TXNDC15: variants seen among roughly 807,000 people sequenced by gnomAD.
TXNDC15 encodes the protein thioredoxin domain-containing protein 15.
TXNDC15 carries 24 observed loss-of-function variants against 35.0 expected under a neutral mutation model. The ratio of observed to expected loss-of-function variants is 0.68; its 90% CI spans 0.50 to 0.96. The LOEUF (loss-of-function observed/expected upper bound fraction) is 0.96, where lower values mean the gene tolerates loss of function less well. Among genes scored for constraint, TXNDC15 ranks in the 40% least tolerant of loss-of-function variants. TXNDC15 has a pLI of 0.00. For missense variants in TXNDC15, 385 were observed against 453.3 expected (o/e 0.85, Z 1.37); for synonymous variants, 169 against 174.0 (o/e 0.97, Z 0.23).
chr5:134,889,566 T>C (rs2150188179), intron 2 of TXNDC15, among the ~76,000 whole-genome samples: 1 of 152,320 alleles, frequency 6.6e-6, no homozygotes, highest in East Asian at 1.9e-4. Context: ...TGGCCAAACA[T>C]ATCGATATGA....
At chr5:134,885,072 G>A (rs965180539) in intron 1 of TXNDC15, among the ~76,000 whole-genome samples, 6 of 151,924 alleles carry the variant, frequency 3.9e-5, no homozygotes, top group African/African-American at 1.2e-4. Context: ...ACAGGTGCCC[G>A]CCACCATGCA....
intron 2 of TXNDC15, among the ~76,000 whole-genome samples, chr5:134,890,795 ACTT>A (rs1232270291): frequency 1.3e-5 from 2 of 152,200 alleles, no homozygotes; most frequent in African/African-American, 4.8e-5. Context: ...CCACAGTAGA[ACTT>A]CTTTCAAAGT....
chr5:134,887,626 A>T (rs1750300824), intron 1 of TXNDC15, 69 bp from the exon 2 acceptor site: 1 of 1,506,988 alleles, frequency 6.6e-7, no homozygotes, highest in African/African-American at 1.4e-5. Flanking sequence ...GTTAGAGGGG[A>T]ACTGTAATTC....
In TXNDC15 at chr5:134,893,338, G is replaced by T. The variant is rs1012997233; in HGVS notation, c.592-154G>T. ...TTTTGCTGGTTCCTGGATTCATATGGTTCAAAATCCAAAAGGTTCCGAGGG... is the reference window on the plus strand; with the variant it reads ...TTTTGCTGGTTCCTGGATTCATATGTTTCAAAATCCAAAAGGTTCCGAGGG... On this transcript the variant is annotated intron_variant, in intron 2 of 4. Coordinates refer to ENST00000358387, the MANE Select transcript of TXNDC15 (RefSeq NM_024715.4). 3 of 784,344 alleles carry T rather than the reference G, an allele frequency of 3.8e-6. No homozygotes were observed. The South Asian group carries it at 5.8e-5, about 15-fold the overall frequency. The allele number at this position is 784,344 out of a possible 1,614,324, so 48.6% of individuals were successfully genotyped here. A position where few individuals can be genotyped will look rare whatever the true frequency, so the allele number is the denominator to read the frequency against.
chr5:134,892,977 A>G (rs1478783797), intron 2 of TXNDC15: 1 of 155,912 alleles, frequency 6.4e-6, no homozygotes, highest in African/African-American at 2.4e-5. Flanking sequence ...CATAACAGAT[A>G]TAATAATAAT....
intron 4 of TXNDC15, 74 bp from the exon 5 acceptor site, chr5:134,899,415 A>T: frequency 1.5e-6 from 2 of 1,314,374 alleles, no homozygotes; most frequent in South Asian, 1.3e-5. Context: ...TTTGCATACC[A>T]TACATAATAC....
intron 1 of TXNDC15, chr5:134,875,189 G>T: frequency 2.2e-6 from 1 of 456,290 alleles, no homozygotes; most frequent in South Asian, 1.5e-5. Context: ...CAACTTGCCG[G>T]TAGGGAAGGC....
intron 2 of TXNDC15, among the ~76,000 whole-genome samples, chr5:134,890,571 A>G (rs1431565473): frequency 6.6e-6 from 1 of 151,898 alleles, no homozygotes; most frequent in African/African-American, 2.4e-5. Context: ...TCACATGCCC[A>G]GCTAATTTTT....
upstream of TXNDC15, chr5:134,874,364 A>G (rs566996630): frequency 1.2e-4 from 165 of 1,420,558 alleles, no homozygotes; most frequent in South Asian, 2.1e-3. Flanking sequence ...CTCCTCCCCC[A>G]GCCTTCCTCC....
intron 1 of TXNDC15, among the ~76,000 whole-genome samples, chr5:134,881,794 G>T (rs1265977367): frequency 6.7e-6 from 1 of 150,282 alleles, no homozygotes; most frequent in Non-Finnish European, 1.5e-5. Context: ...CCTCCCGGAC[G>T]GGGCGGCTGG....
At position 134,899,541 on chromosome 5, in the gene TXNDC15, T is replaced by TCTTCCCA; in HGVS notation, c.940_946dup (p.Ser316ThrfsTer22). On this transcript the variant is annotated frameshift_variant, in exon 5 of 5. Transcript: ENST00000358387. LOFTEE classifies it high-confidence loss of function. ...TAACTCAAGCCGACCAAATAGGCCCTCTTCCCAGCACTTTGATAAAAAGTG... is the reference window on the plus strand; with the variant it reads ...TAACTCAAGCCGACCAAATAGGCCCTCTTCCCACTTCCCAGCACTTTGATAAAAAGTG... 6.2e-7 allele frequency: 1 copy of TCTTCCCA among 1,613,928 alleles called. No homozygotes were observed.
At chr5:134,891,982 T>C (rs1417595357) in intron 2 of TXNDC15, among the ~76,000 whole-genome samples, 1 of 152,166 alleles carries the variant, frequency 6.6e-6, no homozygotes, top group African/African-American at 2.4e-5. Context: ...TACACTGGCC[T>C]CTAAAAAGAG....
intron 1 of TXNDC15, among the ~76,000 whole-genome samples, chr5:134,881,603 G>A (rs1293412519): frequency 5.9e-4 from 77 of 130,738 alleles, no homozygotes; most frequent in African/African-American, 2.2e-3. Flanking sequence ...ACACAGACAC[G>A]GCAACCATCC....
intron 1 of TXNDC15, among the ~76,000 whole-genome samples, chr5:134,879,624 T>G (rs1750101911): frequency 6.6e-6 from 1 of 152,170 alleles, no homozygotes; most frequent in African/African-American, 2.4e-5. Context: ...ACCGCCAATG[T>G]GATCCCGCCC....
At chr5:134,878,321 C>T (rs752399352) in intron 1 of TXNDC15, among the ~76,000 whole-genome samples, 1 of 152,224 alleles carries the variant, frequency 6.6e-6, no homozygotes, top group Non-Finnish European at 1.5e-5. Context: ...GAGTGTTTAA[C>T]CTGTGGCAGG....
intron 1 of TXNDC15, among the ~76,000 whole-genome samples, chr5:134,875,818 T>C (rs1750023005): frequency 6.6e-6 from 1 of 152,062 alleles, no homozygotes; most frequent in Admixed American, 6.6e-5. Context: ...TACAGGTGCC[T>C]GCCACCACAC....
chr5:134,892,613 T>A (rs766107719), intron 2 of TXNDC15: 3 of 152,220 alleles, frequency 2.0e-5, no homozygotes, highest in Non-Finnish European at 4.4e-5. Context: ...GAGGCCTAGC[T>A]TTCAGCCTGT....
Position 134,887,973 on chromosome 5 carries a change from G to C in TXNDC15, c.382G>C (p.Glu128Gln), listed in dbSNP as rs766797223. 9.9e-6 allele frequency: 16 copies of C among 1,614,120 alleles called. No homozygotes were observed. The African/African-American group carries it at 2.0e-4, about 20-fold the overall frequency. The change falls in exon 2 of 5, where the codon GAG (glutamate) becomes CAG (glutamine). Residue 128 changes from glutamate to glutamine, a missense_variant. By Grantham distance (29) the Glu-to-Gln change is conservative (BLOSUM62 2). Transcript: ENST00000358387. ...GGAGGACTCAAGGTGCAACGTCCGA[G>C]AGAGCCTTTTCTCTCTGGATGGCGC... The part of the protein sequence containing the change: ...GAEDSRCNVR[E>Q]SLFSLDGAGA...
Position 134,874,526 on chromosome 5 carries a change from G to A in TXNDC15, c.99G>A (p.Val33=). ...TGCTGGGACTTCCCGTCCGCGGCGTGGAGGGTGAGTGTGGGCCGGGGGCGG... is the reference window on the plus strand; with the variant it reads ...TGCTGGGACTTCCCGTCCGCGGCGTAGAGGGTGAGTGTGGGCCGGGGGCGG... ...LWVLGLPVRG[V]EVAEESGRLW... Residue 33 remains valine, a synonymous_variant, in exon 1 of 5, where the codon GTG becomes GTA. Transcript: ENST00000358387. The A allele has an allele frequency of 1.9e-6, 3 of 1,599,952 alleles. No homozygotes were observed. Among genetic ancestry groups the A allele is most frequent in the Non-Finnish European group, 2.5e-6 (3 of 1,176,584 alleles).
Sources: allele counts gnomAD v4.1 joint callset (sites outside exome capture counted in the v4.1 genomes callset), GRCh38; gene constraint gnomAD v4.1.1; transcripts MANE v1.5; gene names NCBI Gene and HGNC (gene_info 2026-07-23, HGNC 2026-07-21).